The following ARFGEF2 variants were observed in gnomAD, a reference collection of about 807,000 sequenced individuals.
ARFGEF2 encodes ARF guanine nucleotide exchange factor 2.
In ARFGEF2, 74 loss-of-function variants were observed where a neutral mutation model predicts 219.9. That is an observed-to-expected ratio of 0.34 (90% CI 0.28 to 0.41). ARFGEF2 has a LOEUF of 0.41. Ranked by LOEUF, ARFGEF2 falls within the 10% of genes least tolerant of loss-of-function variation. The pLI is 1.00. For missense variants in ARFGEF2, 1,743 were observed against 2,218.3 expected (o/e 0.79, Z 4.30); for synonymous variants, 733 against 799.2 (o/e 0.92, Z 1.40).
intron 14 of ARFGEF2, among the ~76,000 whole-genome samples, chr20:48,979,512 C>T (rs1238262320): frequency 6.6e-6 from 1 of 152,032 alleles, no homozygotes; most frequent in Admixed American, 6.6e-5. Flanking sequence ...GGAGGATTCC[C>T]TCTTTTTCTA....
chr20:49,017,368 A>C lies in ARFGEF2; in HGVS notation c.4435A>C (p.Lys1479Gln). 6.2e-7 allele frequency: 1 copy of C among 1,614,072 alleles called. No homozygotes were observed. The highest frequency in any genetic ancestry group is 8.5e-7 in the Non-Finnish European group (1 of 1,179,996). ...ETCNCMLDIFKTTIPHVLLTW... is the reference protein window; with the variant it reads ...ETCNCMLDIFQTTIPHVLLTW... The stretch of plus-strand genomic sequence containing the variant: ...CTGCAACTGTATGTTGGATATTTTC[A>C]AAACAACCATCCCACATGTGTAAGT... The change falls in exon 32 of 39, where the codon AAA (lysine) becomes CAA (glutamine). Residue 1479 changes from lysine to glutamine, a missense_variant. This residue lies in a region of ARFGEF2 where 578 missense variants were observed against 664.0 expected (regional missense o/e 0.87). Transcript: ENST00000371917.
At chr20:48,964,207 G>A (rs1247334802) in intron 7 of ARFGEF2, among the ~76,000 whole-genome samples, 1 of 152,208 alleles carries the variant, frequency 6.6e-6, no homozygotes, top group Non-Finnish European at 1.5e-5. Context: ...AGGAGTTCAA[G>A]ACCAGCCCAG....
chr20:49,030,172 T>G (rs998788499), intron 37 of ARFGEF2, among the ~76,000 whole-genome samples: 2 of 152,108 alleles, frequency 1.3e-5, no homozygotes, highest in Non-Finnish European at 2.9e-5. Context: ...CCTCCCAAAG[T>G]GCAGGGATGG....
chr20:48,936,727 A>G (rs897974194), intron 1 of ARFGEF2, among the ~76,000 whole-genome samples: 17 of 151,998 alleles, frequency 1.1e-4, no homozygotes, highest in African/African-American at 4.1e-4. Flanking sequence ...GGGTTTCTCT[A>G]TGTTGGCCAG....
intron 21 of ARFGEF2, among the ~76,000 whole-genome samples, chr20:48,992,167 A>C (rs2091360990): frequency 6.6e-6 from 1 of 152,232 alleles, no homozygotes; most frequent in Admixed American, 6.5e-5. Context: ...TCACAGTAAA[A>C]TTACAAGTTG....
intron 1 of ARFGEF2, among the ~76,000 whole-genome samples, chr20:48,927,924 C>A (rs1223712144): frequency 6.6e-6 from 1 of 151,992 alleles, no homozygotes; most frequent in Non-Finnish European, 1.5e-5. Context: ...CTGGAAGCAG[C>A]ATCAAAAAAC....
At chr20:48,923,384 A>T (rs575061594) in intron 1 of ARFGEF2, among the ~76,000 whole-genome samples, 1 of 152,202 alleles carries the variant, frequency 6.6e-6, no homozygotes, top group Non-Finnish European at 1.5e-5. Flanking sequence ...TGAACTTTGC[A>T]CTTCCCTGGA....
intron 1 of ARFGEF2, among the ~76,000 whole-genome samples, chr20:48,933,572 C>T (rs1286675870): frequency 2.0e-5 from 3 of 152,066 alleles, no homozygotes; most frequent in Non-Finnish European, 2.9e-5. Context: ...TTCTCCTTTT[C>T]CCTTGGCATT....
At chr20:49,028,695 T>A in intron 37 of ARFGEF2, 27 bp downstream of exon 37, 2 of 1,606,628 alleles carry the variant, frequency 1.2e-6, no homozygotes, top group Non-Finnish European at 1.7e-6. Flanking sequence ...CTGATTAGAT[T>A]TCTATCTGCT....
At position 49,033,300 on chromosome 20, in the gene ARFGEF2, T is replaced by C; in HGVS notation, c.*101T>C. ...GTTTCATAGAAACAAGGAGTTGGCATCTTGGATCTCAGAATGGCCTGGAAA... is the reference window on the plus strand; with the variant it reads ...GTTTCATAGAAACAAGGAGTTGGCACCTTGGATCTCAGAATGGCCTGGAAA... On this transcript the variant is annotated 3_prime_UTR_variant, in exon 39 of 39. Transcript: ENST00000371917. The C allele has an allele frequency of 1.5e-6, 2 of 1,377,854 alleles. No individual in the cohort carries two copies. Among genetic ancestry groups the C allele is most frequent in the Non-Finnish European group, 1.0e-6 (1 of 985,352 alleles). 85.4% of individuals were successfully genotyped at this position (1,377,854 alleles called of 1,614,324 possible). A position where few individuals can be genotyped will look rare whatever the true frequency, so the allele number is the denominator to read the frequency against.
intron 1 of ARFGEF2, among the ~76,000 whole-genome samples, chr20:48,934,766 C>T (rs560901799): frequency 1.6e-4 from 24 of 152,208 alleles, no homozygotes; most frequent in Admixed American, 1.2e-3. Context: ...AATGGGCATT[C>T]GGGTTGGTTC....
intron 27 of ARFGEF2, 132 bp from the exon 28 acceptor site, chr20:49,011,792 T>A: frequency 9.0e-7 from 1 of 1,112,380 alleles, no homozygotes; most frequent in Non-Finnish European, 1.4e-6. Flanking sequence ...GATACTGACA[T>A]GCTTTTCTTA....
Position 48,965,989 on chromosome 20 carries a change from A to G in ARFGEF2, c.1025A>G (p.Asp342Gly). 1 of 1,614,148 alleles carries G rather than the reference A, an allele frequency of 6.2e-7. No individual in the cohort carries two copies. Among genetic ancestry groups the G allele is most frequent in the South Asian group, 1.1e-5 (1 of 91,088 alleles). ...AACTCACAGACCAACGGGATAGCCG[A>G]TGACAGGCAGTCCTTGTCGTCAGCA... ...DENSQTNGIA[D>G]DRQSLSSADN... The change falls in exon 8 of 39, where the codon GAT (aspartate) becomes GGT (glycine). Residue 342 changes from aspartate (D) to glycine (G), a missense_variant. By Grantham distance (94) the Asp-to-Gly change is moderately conservative. Coordinates refer to ENST00000371917, the MANE Select transcript of ARFGEF2 (RefSeq NM_006420.3).
chr20:49,028,317 AG>A (rs2048431692), intron 36 of ARFGEF2, among the ~76,000 whole-genome samples: 1 of 152,096 alleles, frequency 6.6e-6, no homozygotes, highest in Non-Finnish European at 1.5e-5. Context: ...GCTACTCAGG[AG>A]GCTGAGGCAG....
Position 48,930,795 on chromosome 20 carries a change from T to TGGGAA in ARFGEF2, c.121+8787_121+8791dup, listed in dbSNP as rs570532428. Among the ~76,000 whole-genome samples the TGGGAA allele has an allele frequency of 3.7e-3, 570 of 152,182 alleles. 4 individuals carry two copies. The highest frequency in any genetic ancestry group is 0.017 in the Middle Eastern group (5 of 294). Reference sequence around the variant, plus strand: ...GGAGTCAGCAGAGTCTAGGTGGGAATGGGAAGCCTGGTGAGACGGTATACA... The same window carrying TGGGAA: ...GGAGTCAGCAGAGTCTAGGTGGGAATGGGAAGGGAAGCCTGGTGAGACGGTATACA... On this transcript the variant is annotated intron_variant, in intron 1 of 38. Transcript: ENST00000371917.
At chr20:48,935,707 C>T (rs976908404) in intron 1 of ARFGEF2, among the ~76,000 whole-genome samples, 8 of 150,490 alleles carry the variant, frequency 5.3e-5, no homozygotes, top group Non-Finnish European at 1.0e-4. Context: ...GACGGGGCGG[C>T]TAGCCGGGCG....
chr20:48,944,970 A>C lies in ARFGEF2; in HGVS notation c.276+2983A>C, dbSNP rs753097180. Among the ~76,000 whole-genome samples, 18 of 152,088 alleles carry C rather than the reference A, an allele frequency of 1.2e-4. 1 individual carries two copies. The highest frequency in any genetic ancestry group is 3.3e-4 in the Admixed American group (5 of 15,274). On this transcript the variant is annotated intron_variant, in intron 3 of 38. Coordinates refer to ENST00000371917, the MANE Select transcript of ARFGEF2 (RefSeq NM_006420.3). ...AGGCATTTATTTCTTACAGTTTTGA[A>C]AGCTAGGCAGTATAAGATCAAGGTA...
chr20:48,999,920 G>A (rs2091414958), intron 25 of ARFGEF2, among the ~76,000 whole-genome samples: 1 of 152,076 alleles, frequency 6.6e-6, no homozygotes, highest in Non-Finnish European at 1.5e-5. Flanking sequence ...TAAAAATAGT[G>A]TTAGTAAAAA....
At chr20:49,008,705 AG>A (rs1214130870) in intron 26 of ARFGEF2, among the ~76,000 whole-genome samples, 1 of 149,432 alleles carries the variant, frequency 6.7e-6, no homozygotes, top group Admixed American at 6.7e-5. Context: ...TATCATGTAA[AG>A]GTTTTTTTTT....
Sources: allele counts gnomAD v4.1 joint callset (sites outside exome capture counted in the v4.1 genomes callset), GRCh38; gene constraint gnomAD v4.1.1; regional missense constraint gnomAD v4.1.1; transcripts MANE v1.5; gene names NCBI Gene and HGNC (gene_info 2026-07-23, HGNC 2026-07-21).